CSMD1: variants seen among roughly 807,000 people sequenced by gnomAD.
The protein encoded by CSMD1 is CUB and Sushi multiple domains 1, also known as CUB and sushi domain-containing protein 1.
A neutral mutation model predicts 417.5 loss-of-function variants in CSMD1; 213 were observed. That is an observed-to-expected ratio of 0.51 (90% confidence interval 0.46 to 0.57). CSMD1 has a LOEUF of 0.57. Among genes scored for constraint, CSMD1 ranks in the 20% least tolerant of loss-of-function variants. The pLI is 0.00. For synonymous variants in CSMD1, 2,862 were observed against 1,736.8 expected (o/e 1.65, Z -16.11); for missense variants, 6,923 against 4,529.7 (o/e 1.53, Z -15.17).
intron 12 of CSMD1, among the ~76,000 whole-genome samples, chr8:3,455,987 T>C (rs775134163): frequency 8.6e-4 from 131 of 152,306 alleles, no homozygotes; most frequent in Non-Finnish European, 1.6e-3. Flanking sequence ...CTGCTTTGTT[T>C]ACCTACTCAA....
intron 5 of CSMD1, among the ~76,000 whole-genome samples, chr8:3,912,420 C>G (rs574574957): frequency 1.3e-5 from 2 of 152,092 alleles, no homozygotes; most frequent in African/African-American, 2.4e-5. Flanking sequence ...TAGGGTGGGA[C>G]GATTTCTACT....
intron 2 of CSMD1, among the ~76,000 whole-genome samples, chr8:4,476,154 C>A (rs528174572): frequency 1.3e-5 from 2 of 151,990 alleles, no homozygotes; most frequent in Admixed American, 6.5e-5. Flanking sequence ...CTTGTGTAAT[C>A]TTCCAATTAA....
At chr8:4,353,651 C>A (rs1801226512) in intron 3 of CSMD1, among the ~76,000 whole-genome samples, 1 of 152,118 alleles carries the variant, frequency 6.6e-6, no homozygotes. Flanking sequence ...GCTAAACCTT[C>A]TCAATCTGCC....
chr8:3,292,771 T>C (rs1340049236), intron 25 of CSMD1, among the ~76,000 whole-genome samples: 2 of 152,222 alleles, frequency 1.3e-5, no homozygotes, highest in Admixed American at 6.5e-5. Context: ...GGGTCTTGAC[T>C]TTTTATGCAA....
intron 1 of CSMD1, among the ~76,000 whole-genome samples, chr8:4,814,637 T>A (rs1799100477): frequency 6.6e-6 from 1 of 152,202 alleles, no homozygotes; most frequent in Non-Finnish European, 1.5e-5. Flanking sequence ...AGGGTCTTCA[T>A]GTGCTGTATA....
At chr8:3,857,045 C>G (rs1052397989) in intron 5 of CSMD1, among the ~76,000 whole-genome samples, 1 of 151,864 alleles carries the variant, frequency 6.6e-6, no homozygotes, top group African/African-American at 2.4e-5. Flanking sequence ...TCGAGGGCTT[C>G]TTGTATATCC....
intron 3 of CSMD1, among the ~76,000 whole-genome samples, chr8:4,380,626 T>A (rs1803040089): frequency 6.6e-6 from 1 of 152,182 alleles, no homozygotes; most frequent in African/African-American, 2.4e-5. Flanking sequence ...CGGTACGGAC[T>A]GTAGTCATTA....
chr8:4,583,171 C>A (rs531235648), intron 2 of CSMD1, among the ~76,000 whole-genome samples: 1 of 152,188 alleles, frequency 6.6e-6, no homozygotes, highest in Non-Finnish European at 1.5e-5. Context: ...CTCTGCTCCA[C>A]GGCACCCAGT....
intron 41 of CSMD1, among the ~76,000 whole-genome samples, chr8:3,135,118 G>A (rs1251722095): frequency 6.6e-6 from 1 of 152,140 alleles, no homozygotes; most frequent in African/African-American, 2.4e-5. Flanking sequence ...GTCTCACCAT[G>A]TTACCCAGGC....
chr8:3,080,468 TC>T (rs1814006872), intron 49 of CSMD1, among the ~76,000 whole-genome samples: 2 of 152,190 alleles, frequency 1.3e-5, no homozygotes, highest in Non-Finnish European at 2.9e-5. Context: ...AACCTGGAGT[TC>T]CCTGAAACCA....
At chr8:3,179,961 AT>A (rs1444870809) in intron 37 of CSMD1, among the ~76,000 whole-genome samples, 7 of 152,226 alleles carry the variant, frequency 4.6e-5, no homozygotes, top group African/African-American at 1.7e-4. Context: ...TAGAATATTT[AT>A]CATCAGCTGG....
intron 12 of CSMD1, among the ~76,000 whole-genome samples, chr8:3,455,559 G>C (rs886450515): frequency 1.3e-5 from 2 of 152,204 alleles, no homozygotes; most frequent in East Asian, 1.9e-4. Flanking sequence ...AGGTCTGTTG[G>C]AATTTGCTGG....
chr8:4,240,128 TA>T (rs769688498), intron 3 of CSMD1, among the ~76,000 whole-genome samples: 8 of 152,208 alleles, frequency 5.3e-5, no homozygotes, highest in Non-Finnish European at 2.9e-5. Flanking sequence ...TTTTTCTATC[TA>T]AAAGTAAAAT....
Position 3,348,096 on chromosome 8 carries a change from A to G in CSMD1, c.3370T>C (p.Tyr1124His). ...TAGATACACTCATGGTTATTATCAT[A>G]ATTGGATGGAAAATTTGGAGACAGT... ...TLLSPNFPSN[Y>H]DNNHECIYKI... is the part of the protein sequence containing the mutation. Residue 1124 changes from tyrosine to histidine, a missense_variant, in exon 22 of 70, where the codon TAT becomes CAT. Physicochemically the swap from Tyr to His is moderately conservative, Grantham distance 83 (BLOSUM62 2). Transcript: ENST00000635120. 1 of 1,612,614 alleles carries G rather than the reference A, an allele frequency of 6.2e-7. No individual in the cohort carries two copies. The highest frequency in any genetic ancestry group is 8.5e-7 in the Non-Finnish European group (1 of 1,179,218).
chr8:4,360,148 G>C (rs1287298005), intron 3 of CSMD1, among the ~76,000 whole-genome samples: 1 of 152,160 alleles, frequency 6.6e-6, no homozygotes, highest in African/African-American at 2.4e-5. Flanking sequence ...GATGATCTGA[G>C]AGGATGAACT....
At chr8:4,591,573 T>C (rs970918764) in intron 2 of CSMD1, among the ~76,000 whole-genome samples, 3 of 152,140 alleles carry the variant, frequency 2.0e-5, no homozygotes, top group Admixed American at 6.5e-5. Flanking sequence ...GGCTTCTCTC[T>C]TGGGAGCAGA....
intron 26 of CSMD1, among the ~76,000 whole-genome samples, chr8:3,276,544 C>T (rs1802306232): frequency 1.3e-5 from 2 of 152,266 alleles, no homozygotes; most frequent in South Asian, 2.1e-4. Flanking sequence ...AGAAGAAAGA[C>T]CTGCTCCCAT....
intron 2 of CSMD1, among the ~76,000 whole-genome samples, chr8:4,602,973 C>T (rs577504706): frequency 6.6e-6 from 1 of 151,740 alleles, no homozygotes; most frequent in African/African-American, 2.4e-5. Flanking sequence ...GATATTCAGA[C>T]TATTTGTAAT....
intron 3 of CSMD1, among the ~76,000 whole-genome samples, chr8:4,203,637 C>G (rs1213747239): frequency 6.6e-6 from 1 of 152,020 alleles, no homozygotes; most frequent in Non-Finnish European, 1.5e-5. Flanking sequence ...TGGGGGTGGA[C>G]ACTACACACA....
Sources: allele counts gnomAD v4.1 joint callset (sites outside exome capture counted in the v4.1 genomes callset), GRCh38; gene constraint gnomAD v4.1.1; transcripts MANE v1.5; gene names NCBI Gene and HGNC (gene_info 2026-07-23, HGNC 2026-07-21).